Variants in TP73 observed in about 807,000 individuals in gnomAD.
TP73 encodes the protein p53-like transcription factor.
In TP73, 25 loss-of-function variants were observed where a neutral mutation model predicts 62.5. The ratio of observed to expected loss-of-function variants is 0.40; its 90% CI spans 0.29 to 0.56. TP73 has a LOEUF of 0.56. Ranked by LOEUF, TP73 falls within the 20% of genes least tolerant of loss-of-function variation. The pLI, the probability that TP73 is intolerant of heterozygous loss-of-function variation, is 0.46. For synonymous variants in TP73, 423 were observed against 377.5 expected (o/e 1.12, Z -1.40); for missense variants, 754 against 913.3 (o/e 0.83, Z 2.25).
chr1:3,730,263 C>T, intron 11 of TP73, 115 bp downstream of exon 11: 1 of 1,232,526 alleles, frequency 8.1e-7, no homozygotes, highest in Non-Finnish European at 1.1e-6. Context: ...CTGTGGCTGG[C>T]TCCTTCCAGC....
intron 3 of TP73, chr1:3,690,816 C>T (rs1419758811): frequency 1.3e-6 from 2 of 1,540,286 alleles, no homozygotes; most frequent in East Asian, 4.9e-5. Flanking sequence ...GCGGCCACGA[C>T]CGTGACCCTT....
intron 3 of TP73, among the ~76,000 whole-genome samples, chr1:3,689,775 G>A (rs1046716080): frequency 6.6e-6 from 1 of 152,148 alleles, no homozygotes; most frequent in African/African-American, 2.4e-5. Flanking sequence ...GGATTTCTCA[G>A]CCCTCGTGAG....
intron 1 of TP73, among the ~76,000 whole-genome samples, chr1:3,661,246 GACTT>G (rs1312112053): frequency 6.6e-6 from 1 of 152,154 alleles, no homozygotes; most frequent in Non-Finnish European, 1.5e-5. Flanking sequence ...GGGTCAAAAA[GACTT>G]AATTTAGAGT....
At position 3,670,391 on chromosome 1, in the gene TP73, G is replaced by A. The variant is rs558608646; in HGVS notation, c.-33-11942G>A. Among the ~76,000 whole-genome samples the A allele has an allele frequency of 2.0e-5, 3 of 152,298 alleles. No individual in the cohort carries two copies. The highest frequency in any genetic ancestry group is 2.1e-4 in the South Asian group (1 of 4,824). On this transcript the variant is annotated intron_variant, in intron 1 of 13. Transcript: ENST00000378295. The surrounding 1 kb of genome is among the most constrained non-coding windows in gnomAD (Gnocchi z 5.9). The stretch of plus-strand genomic sequence containing the variant: ...TTAGAAGTGGGGAAGAAGGCCAGGC[G>A]TGGTGGCTCACATCTGTAATCCCAG...
chr1:3,727,577 T>C (rs771003166), intron 7 of TP73, 51 bp from the exon 8 acceptor site: 32 of 1,565,080 alleles, frequency 2.0e-5, no homozygotes, highest in Admixed American at 3.8e-5. Context: ...GGTGGGCAGG[T>C]TGAGGGTGGG....
chr1:3,652,951 C>T (rs1397375601), intron 1 of TP73, among the ~76,000 whole-genome samples: 7 of 152,142 alleles, frequency 4.6e-5, no homozygotes, highest in Admixed American at 3.9e-4. Context: ...TCCTGCTGTC[C>T]CCTCTCCACC....
rs56147202 is a variant in TP73 at position 3,719,608 on chromosome 1, C to T, written c.430-2413C>T. Among the ~76,000 whole-genome samples the T allele has an allele frequency of 6.2e-4, 94 of 152,348 alleles. 2 individuals carry two copies. The highest frequency in any genetic ancestry group is 2.1e-3 in the African/African-American group (89 of 41,582). On this transcript the variant is annotated intron_variant, in intron 4 of 13. Coordinates refer to ENST00000378295, the MANE Select transcript of TP73 (RefSeq NM_005427.4). ...GTCTGAGTCTCCTGAGGGTCCGAGTCCCAGAGGGTCTGTGCTGCGAGCTGT... is the reference window on the plus strand; with the variant it reads ...GTCTGAGTCTCCTGAGGGTCCGAGTTCCAGAGGGTCTGTGCTGCGAGCTGT...
chr1:3,702,161 G>A (rs1366440693), intron 3 of TP73, among the ~76,000 whole-genome samples: 1 of 152,156 alleles, frequency 6.6e-6, no homozygotes, highest in Non-Finnish European at 1.5e-5. Flanking sequence ...GCTTGGATTG[G>A]GGTGTCCAGC....
At chr1:3,664,010 A>G (rs10752740) in intron 1 of TP73, among the ~76,000 whole-genome samples, 28,052 of 152,060 alleles carry the variant, frequency 0.18, 2,705 homozygotes, top group Admixed American at 0.24. Flanking sequence ...GGCTCTCTGG[A>G]GAGGCCACTG....
intron 4 of TP73, among the ~76,000 whole-genome samples, chr1:3,717,298 G>A (rs918522062): frequency 3.3e-5 from 5 of 152,220 alleles, no homozygotes; most frequent in African/African-American, 7.2e-5. Flanking sequence ...CAGCCAGGCC[G>A]GGCCCATGTT....
chr1:3,703,714 T>C (rs553138381), intron 3 of TP73, among the ~76,000 whole-genome samples: 1 of 152,382 alleles, frequency 6.6e-6, no homozygotes, highest in African/African-American at 2.4e-5. Flanking sequence ...CCCCACTGGC[T>C]GTCCTGTTCT....
chr1:3,708,910 C>T (rs1639899625), intron 4 of TP73, among the ~76,000 whole-genome samples: 1 of 152,214 alleles, frequency 6.6e-6, no homozygotes, highest in Non-Finnish European at 1.5e-5. Flanking sequence ...TCAGTGCTGG[C>T]CCCCTGAAGT....
At chr1:3,730,414 G>A (rs889007549) in intron 11 of TP73, among the ~76,000 whole-genome samples, 1 of 152,190 alleles carries the variant, frequency 6.6e-6, no homozygotes, top group Non-Finnish European at 1.5e-5. Context: ...GGAGCTTGGG[G>A]AAGGCTCTTA....
intron 1 of TP73, among the ~76,000 whole-genome samples, chr1:3,679,815 C>G (rs1645474546): frequency 6.7e-6 from 1 of 149,398 alleles, no homozygotes; most frequent in South Asian, 2.2e-4. Flanking sequence ...GTCTCTCTGT[C>G]TCTGTCTCTG....
intron 1 of TP73, among the ~76,000 whole-genome samples, chr1:3,660,857 G>A (rs1476147951): frequency 6.6e-6 from 1 of 152,220 alleles, no homozygotes; most frequent in Non-Finnish European, 1.5e-5. Flanking sequence ...AAGATGTGAT[G>A]ACATCATTAC....
At chr1:3,729,505 CAGG>C in intron 10 of TP73, 57 bp downstream of exon 10, 1 of 1,608,692 alleles carries the variant, frequency 6.2e-7, no homozygotes, top group Non-Finnish European at 8.5e-7. Flanking sequence ...CTTAACCCCC[CAGG>C]AGAAGGCCAG....
rs925352783 is a variant in TP73 at position 3,727,413 on chromosome 1, G to A, written c.842+189G>A. ...CCTGGGCACAAGCTGGGCCTCCGGA[G>A]GGAGGTGGGAGTCCCCGGCGAGGTC... On this transcript the variant is annotated intron_variant, in intron 7 of 13. Coordinates refer to ENST00000378295, the MANE Select transcript of TP73 (RefSeq NM_005427.4). The A allele has an allele frequency of 2.1e-5, 19 of 914,394 alleles. 1 individual carries two copies. In the South Asian group the frequency reaches 2.1e-4, roughly 10 times the overall value. 56.6% of individuals were successfully genotyped at this position (914,394 alleles called of 1,614,324 possible).
chr1:3,683,138 C>T lies in TP73; in HGVS notation c.144C>T (p.Ser48=). ...AGGTGGTGGGCGGAACGGATTCCAGCATGGACGTCTTCCACCTGGAGGGCA... is the reference window on the plus strand; with the variant it reads ...AGGTGGTGGGCGGAACGGATTCCAGTATGGACGTCTTCCACCTGGAGGGCA... ...NNEVVGGTDS[S]MDVFHLEGMT... is the part of the protein sequence containing the mutation. Residue 48 remains serine, a synonymous_variant, in exon 3 of 14, where the codon AGC becomes AGT. Transcript: ENST00000378295. 1 of 1,612,584 alleles carries T rather than the reference C, an allele frequency of 6.2e-7. No individual in the cohort carries two copies. The highest frequency in any genetic ancestry group is 8.5e-7 in the Non-Finnish European group (1 of 1,179,046).
chr1:3,730,021 C>T lies in TP73; in HGVS notation c.1218C>T (p.Ser406=). 1.2e-6 allele frequency: 2 copies of T among 1,606,798 alleles called. No homozygotes were observed. The highest frequency in any genetic ancestry group is 1.7e-6 in the Non-Finnish European group (2 of 1,175,716). ...GCAGGAGTCACCTACAGCCCCCGTC[C>T]TACGGGCCGGTCCTCTCGCCCATGA... is the stretch of plus-strand genomic sequence containing the variant. ...LQRPSHLQPP[S]YGPVLSPMNK... Residue 406 remains serine, a synonymous_variant, in exon 11 of 14, where the codon TCC becomes TCT. Transcript: ENST00000378295.
Sources: gnomAD v4.1 joint callset for allele counts (sites outside exome capture counted in the v4.1 genomes callset) on GRCh38, gnomAD v4.1.1 for gene constraint, Gnocchi (gnomAD v3.1) non-coding constraint, MANE v1.5 for transcripts, NCBI Gene and HGNC (gene_info 2026-07-23, HGNC 2026-07-21) for gene names.